PHLDB1: variants seen among roughly 807,000 people sequenced by gnomAD.
PHLDB1 encodes pleckstrin homology-like domain family B member 1.
Under a neutral mutation model 139.3 loss-of-function variants are expected in PHLDB1, and 65 were observed. The observed-to-expected ratio is 0.47, with a 90% CI of 0.38 to 0.57. PHLDB1 has a LOEUF of 0.57. Ranked by LOEUF, PHLDB1 falls within the 20% of genes least tolerant of loss-of-function variation. PHLDB1 has a pLI of 0.00. For synonymous variants in PHLDB1, 679 were observed against 734.5 expected, an observed-to-expected ratio of 0.92 and a Z score of 1.22; for missense variants, 1,624 against 1,839.7, an observed-to-expected ratio of 0.88 and a Z score of 2.14.
At chr11:118,626,347 C>T (rs535841443) in intron 5 of PHLDB1, among the ~76,000 whole-genome samples, 9 of 152,098 alleles carry the variant, frequency 5.9e-5, no homozygotes, top group Middle Eastern at 3.4e-3. Context: ...CTGCAGCAGG[C>T]GCCCATCTTC....
chr11:118,645,673 C>T lies in PHLDB1; in HGVS notation c.3416+23C>T, dbSNP rs373188348. 2.5e-6 allele frequency: 4 copies of T among 1,613,058 alleles called. No individual in the cohort carries two copies. Among genetic ancestry groups the T allele is most frequent in the African/African-American group, 1.3e-5 (1 of 74,922 alleles). On this transcript the variant is annotated intron_variant, in intron 16 of 22. Transcript: ENST00000600882. The surrounding 1 kb of genome is among the most constrained non-coding windows in gnomAD (Gnocchi z 5.1). ...CAGGTACACCCGACGCCTGGGCCCG[C>T]AGCCTCCCTCAGCCACCGCCTCAGC...
chr11:118,624,920 T>C lies in PHLDB1; in HGVS notation c.356-14T>C. 1 of 1,614,022 alleles carries C rather than the reference T, an allele frequency of 6.2e-7. No individual in the cohort carries two copies. On this transcript the variant is annotated splice_polypyrimidine_tract_variant and intron_variant, in intron 4 of 22. Transcript: ENST00000600882. ...CCACCACACCTGGTCTTCAAGTGTT[T>C]GCTTTCTCTGCAGGCTGCATGTTGT...
chr11:118,626,727 T>G (rs1440879973), intron 5 of PHLDB1, among the ~76,000 whole-genome samples: 5 of 151,424 alleles, frequency 3.3e-5, no homozygotes, highest in Non-Finnish European at 7.4e-5. Context: ...CAGGCAGTTC[T>G]CAGCTCACTG....
At chr11:118,624,311 A>C (rs1555098395) in intron 4 of PHLDB1, 1 of 152,594 alleles carries the variant, frequency 6.6e-6, no homozygotes, top group African/African-American at 2.4e-5. Flanking sequence ...TCAGAGGTGA[A>C]GTTACTTCAC....
At chr11:118,644,925 A>G in intron 15 of PHLDB1, 1 of 268,684 alleles carries the variant, frequency 3.7e-6, no homozygotes, top group Non-Finnish European at 7.3e-6. Context: ...TCTGCATTGC[A>G]GGGGGGTCTG....
chr11:118,632,441 A>T lies in PHLDB1; in HGVS notation c.2379+145A>T. 1.2e-6 allele frequency: 1 copy of T among 838,422 alleles called. No individual in the cohort carries two copies. The highest frequency in any genetic ancestry group is 1.9e-6 in the Non-Finnish European group (1 of 528,404). The allele number at this position is 838,422 out of a possible 1,614,324, so 51.9% of individuals were successfully genotyped here. On this transcript the variant is annotated intron_variant, in intron 9 of 22. Coordinates refer to ENST00000600882, the MANE Select transcript of PHLDB1 (RefSeq NM_001144758.3). The surrounding 1 kb of genome is among the most constrained non-coding windows in gnomAD (Gnocchi z 5.9). The stretch of plus-strand genomic sequence containing the variant: ...TCTGTGGCTTTCCAGAGACAGAGTG[A>T]CTTCTCCTCCTCTGTGGAAGGAACC...
intron 12 of PHLDB1, chr11:118,642,012 T>C (rs1209597204): frequency 4.9e-6 from 3 of 614,986 alleles, no homozygotes; most frequent in Admixed American, 2.5e-5. Context: ...AGGGCAACTG[T>C]TGTCTCACTG....
intron 1 of PHLDB1, chr11:118,613,579 CT>C: frequency 1.4e-6 from 1 of 690,816 alleles, no homozygotes; most frequent in Non-Finnish European, 2.1e-6. Context: ...ACTGTTTGTG[CT>C]TACAGTGGCA....
intron 10 of PHLDB1, among the ~76,000 whole-genome samples, chr11:118,638,683 G>C (rs1467010616): frequency 6.6e-6 from 1 of 152,154 alleles, no homozygotes; most frequent in Non-Finnish European, 1.5e-5. Flanking sequence ...TAATGGCACA[G>C]GGGTCATTGG....
Position 118,627,881 on chromosome 11 carries a change from G to C in PHLDB1, c.1058G>C (p.Gly353Ala). Residue 353 changes from glycine (G) to alanine (A), a missense_variant, in exon 6 of 23, where the codon GGT becomes GCT. By Grantham distance (60) the Gly-to-Ala change is moderately conservative. Transcript: ENST00000600882. Reference protein sequence around the residue: ...ARRATESPRLGGQLPVVAISL... With the variant: ...ARRATESPRLAGQLPVVAISL... ...AGAGCCACTGAGAGCCCCCGGCTGG[G>C]TGGGCAGCTGCCTGTGGTGGCCATC... 6.2e-7 allele frequency: 1 copy of C among 1,610,150 alleles called. No individual in the cohort carries two copies. The highest frequency in any genetic ancestry group is 8.5e-7 in the Non-Finnish European group (1 of 1,179,942).
At chr11:118,633,836 GC>G (rs1288451173) in intron 9 of PHLDB1, 6 of 152,256 alleles carry the variant, frequency 3.9e-5, no homozygotes, top group African/African-American at 1.4e-4. Context: ...TCAGCATAGG[GC>G]CTCACTCCCA....
intron 18 of PHLDB1, among the ~76,000 whole-genome samples, chr11:118,649,251 A>T (rs1284813090): frequency 6.6e-6 from 1 of 152,014 alleles, no homozygotes; most frequent in Non-Finnish European, 1.5e-5. Context: ...ACTGCACTCC[A>T]GTCTGGATGA....
intron 4 of PHLDB1, 162 bp from the exon 5 acceptor site, chr11:118,624,772 G>C (rs782440025): frequency 8.0e-6 from 5 of 623,938 alleles, no homozygotes; most frequent in Non-Finnish European, 1.4e-5. Context: ...ACCACACCCG[G>C]CTAATTTTTG....
At chr11:118,623,237 A>T (rs928959241) in intron 4 of PHLDB1, among the ~76,000 whole-genome samples, 1 of 152,246 alleles carries the variant, frequency 6.6e-6, no homozygotes, top group African/African-American at 2.4e-5. Flanking sequence ...CAGGAGGCTG[A>T]GGCCGGGGGC....
intron 10 of PHLDB1, among the ~76,000 whole-genome samples, chr11:118,635,935 G>A (rs1361758439): frequency 6.6e-6 from 1 of 152,196 alleles, no homozygotes; most frequent in East Asian, 1.9e-4. Flanking sequence ...TTGAGATCTG[G>A]ATATTAGAGC....
At chr11:118,618,558 G>C (rs925374794) in intron 4 of PHLDB1, among the ~76,000 whole-genome samples, 2 of 152,094 alleles carry the variant, frequency 1.3e-5, no homozygotes, top group Admixed American at 6.5e-5. Flanking sequence ...CTTTCCTTGT[G>C]TTTATCGATC....
chr11:118,634,993 C>T (rs1555114124), intron 9 of PHLDB1: 2 of 465,518 alleles, frequency 4.3e-6, no homozygotes, highest in African/African-American at 4.0e-5. Flanking sequence ...GAGCTCCAGA[C>T]GCAGCTCGAT....
chr11:118,656,995 T>G lies in PHLDB1; in HGVS notation c.*172T>G, dbSNP rs12281874. The G allele has an allele frequency of 8.4e-5, 50 of 596,780 alleles. No individual in the cohort carries two copies. Among genetic ancestry groups the G allele is most frequent in the African/African-American group, 8.0e-4 (43 of 53,946 alleles). 37.0% of individuals were successfully genotyped at this position (596,780 alleles called of 1,614,324 possible). Reference sequence around the variant, plus strand: ...CCTCCTGGGAGCCCAGAACTTGCAGTAACCCTTTAGGGTCCTGCCCCAGGC... The same window carrying G: ...CCTCCTGGGAGCCCAGAACTTGCAGGAACCCTTTAGGGTCCTGCCCCAGGC... On this transcript the variant is annotated 3_prime_UTR_variant, in exon 23 of 23. Coordinates refer to ENST00000600882, the MANE Select transcript of PHLDB1 (RefSeq NM_001144758.3).
chr11:118,619,994 G>A (rs529477115), intron 4 of PHLDB1, among the ~76,000 whole-genome samples: 1 of 152,284 alleles, frequency 6.6e-6, no homozygotes, highest in South Asian at 2.1e-4. Flanking sequence ...TTTAATGAGG[G>A]TGTCTGTGTG....
Sources: gnomAD v4.1 joint callset for allele counts (sites outside exome capture counted in the v4.1 genomes callset) on GRCh38, gnomAD v4.1.1 for gene constraint, Gnocchi (gnomAD v3.1) non-coding constraint, MANE v1.5 for transcripts, NCBI Gene and HGNC (gene_info 2026-07-23, HGNC 2026-07-21) for gene names.